PRKN: variants seen among roughly 807,000 people sequenced by gnomAD.
PRKN encodes E3 ubiquitin-protein ligase parkin.
In PRKN, 56 loss-of-function variants were observed where a neutral mutation model predicts 59.5. That is an observed-to-expected ratio of 0.94 (90% confidence interval 0.76 to 1.18). PRKN has a LOEUF of 1.18. Ranked by LOEUF, PRKN falls within the 50% of genes most tolerant of loss-of-function variation. The probability of loss-of-function intolerance (pLI) is 0.00; values close to 1 mark genes in which losing one functional copy is unlikely to be tolerated. For missense variants in PRKN, 657 were observed against 596.4 expected (o/e 1.10, Z -1.06); for synonymous variants, 250 against 222.1 (o/e 1.13, Z -1.12).
At chr6:162,650,525 G>A (rs941775484) in intron 1 of PRKN, among the ~76,000 whole-genome samples, 1 of 148,066 alleles carries the variant, frequency 6.8e-6, no homozygotes, top group East Asian at 2.0e-4. Flanking sequence ...GTGACCCCGG[G>A]AGGCGGAGCT....
intron 3 of PRKN, among the ~76,000 whole-genome samples, chr6:162,246,520 T>C (rs1011738237): frequency 6.6e-6 from 1 of 152,220 alleles, no homozygotes; most frequent in Non-Finnish European, 1.5e-5. Flanking sequence ...TCAAGTGTTC[T>C]AGATTTTTAG....
intron 6 of PRKN, among the ~76,000 whole-genome samples, chr6:161,939,418 C>CAAAA (rs34604240): frequency 0.011 from 443 of 39,512 alleles, 41 homozygotes; most frequent in African/African-American, 0.02. Flanking sequence ...GACTCTGTCT[C>CAAAA]AAAAAAAAAA....
At chr6:161,893,377 C>G (rs887743338) in intron 6 of PRKN, among the ~76,000 whole-genome samples, 2 of 152,122 alleles carry the variant, frequency 1.3e-5, no homozygotes, top group Admixed American at 6.5e-5. Flanking sequence ...TCTGTTCACA[C>G]GCCATGAAGT....
At chr6:162,714,699 G>A (rs1389857624) in intron 1 of PRKN, among the ~76,000 whole-genome samples, 2 of 152,158 alleles carry the variant, frequency 1.3e-5, no homozygotes, top group East Asian at 1.9e-4. Flanking sequence ...TGTTTCTACT[G>A]AGAGCATTTC....
chr6:162,627,086 A>C (rs1023140155), intron 1 of PRKN, among the ~76,000 whole-genome samples: 2 of 152,180 alleles, frequency 1.3e-5, no homozygotes, highest in Non-Finnish European at 2.9e-5. Context: ...GGAGACTGAG[A>C]TGCAACCACA....
Position 161,447,643 on chromosome 6 carries a change from A to T in PRKN, c.1084-60766T>A, listed in dbSNP as rs1171930935. ...CGAGTAGCTGGGACTACAGGCATGC[A>T]CCACCATGCCTGGCTAATTTTTTGT... On this transcript the variant is annotated intron_variant, in intron 9 of 11. Coordinates refer to ENST00000366898, the MANE Select transcript of PRKN (RefSeq NM_004562.3). The surrounding 1 kb of genome is among the most constrained non-coding windows in gnomAD (Gnocchi z 4.1). Among the ~76,000 whole-genome samples, 1 of 151,976 alleles carries T rather than the reference A, an allele frequency of 6.6e-6. No homozygotes were observed. Among genetic ancestry groups the T allele is most frequent in the African/African-American group, 2.4e-5 (1 of 41,388 alleles).
intron 7 of PRKN, among the ~76,000 whole-genome samples, chr6:161,737,695 T>C (rs1788021763): frequency 6.6e-6 from 1 of 152,118 alleles, no homozygotes; most frequent in Admixed American, 6.5e-5. Flanking sequence ...CCTTGGACTG[T>C]AAAGCAAAAC....
chr6:161,893,162 G>A (rs1050176224), intron 6 of PRKN, among the ~76,000 whole-genome samples: 4 of 152,154 alleles, frequency 2.6e-5, no homozygotes, highest in African/African-American at 9.7e-5. Context: ...TGTTTTAAAG[G>A]TGCTTAAAAA....
At chr6:161,511,062 A>AAACT (rs1341647009) in intron 9 of PRKN, among the ~76,000 whole-genome samples, 3 of 152,354 alleles carry the variant, frequency 2.0e-5, no homozygotes, top group East Asian at 3.9e-4. Flanking sequence ...TAATGGACTC[A>AAACT]AACTATAACA....
chr6:161,644,511 G>A (rs1466778549), intron 7 of PRKN, among the ~76,000 whole-genome samples: 3 of 152,220 alleles, frequency 2.0e-5, no homozygotes, highest in African/African-American at 7.2e-5. Context: ...ATGTCTTCCG[G>A]CAGCTACATC....
At chr6:162,140,695 C>T (rs1376022078) in intron 4 of PRKN, among the ~76,000 whole-genome samples, 1 of 145,488 alleles carries the variant, frequency 6.9e-6, no homozygotes, top group Non-Finnish European at 1.5e-5. Context: ...AAGGAGCGCC[C>T]TCACCAGTTC....
Position 161,552,788 on chromosome 6 carries a change from T to TTG in PRKN, c.934-3786_934-3785insCA, listed in dbSNP as rs56348459. ...AAAAGACACCATGGTTTTGTTGTTGTTTTTGTTTTTTGTTTTTTTTTTTTA... is the reference window on the plus strand; with the variant it reads ...AAAAGACACCATGGTTTTGTTGTTGTTGTTTTGTTTTTTGTTTTTTTTTTTTA... On this transcript the variant is annotated intron_variant, in intron 8 of 11. Coordinates refer to ENST00000366898, the MANE Select transcript of PRKN (RefSeq NM_004562.3). The surrounding 1 kb of genome is among the most constrained non-coding windows in gnomAD (Gnocchi z 4.9). Among the ~76,000 whole-genome samples, 29,065 of 115,132 alleles carry TTG rather than the reference T, an allele frequency of 0.25. 3,832 individuals are homozygous for TTG. The highest frequency in any genetic ancestry group is 0.53 in the East Asian group (2,012 of 3,798). The allele number at this position is 115,132 out of a possible 152,430, so 75.5% of individuals were successfully genotyped here.
At chr6:162,006,942 C>CA in intron 5 of PRKN, among the ~76,000 whole-genome samples, 1 of 101,564 alleles carries the variant, frequency 9.8e-6, no homozygotes, top group African/African-American at 3.7e-5. Flanking sequence ...AGAAGAGCGC[C>CA]AGCACATTGT....
chr6:162,285,106 T>C (rs773539935), intron 2 of PRKN, among the ~76,000 whole-genome samples: 20 of 152,088 alleles, frequency 1.3e-4, no homozygotes, highest in Non-Finnish European at 2.5e-4. Flanking sequence ...TACTGACACC[T>C]TGACTTTGGA....
At chr6:161,995,371 G>T (rs1435036255) in intron 5 of PRKN, among the ~76,000 whole-genome samples, 3 of 151,930 alleles carry the variant, frequency 2.0e-5, no homozygotes, top group Non-Finnish European at 4.4e-5. Flanking sequence ...AGATTTTTAT[G>T]GCCATGAGCT....
At chr6:161,866,576 AAAAAGAAAAG>A (rs748767455) in intron 6 of PRKN, among the ~76,000 whole-genome samples, 3 of 152,196 alleles carry the variant, frequency 2.0e-5, no homozygotes, top group Admixed American at 6.5e-5. Context: ...CTCTGTTTAA[AAAAAGAAAAG>A]AAAAGAAAAG....
At chr6:161,618,169 C>T (rs1357307953) in intron 7 of PRKN, among the ~76,000 whole-genome samples, 1 of 152,164 alleles carries the variant, frequency 6.6e-6, no homozygotes, top group African/African-American at 2.4e-5. Flanking sequence ...TTTTTCCTAT[C>T]GTACATGAAG....
intron 1 of PRKN, among the ~76,000 whole-genome samples, chr6:162,478,624 A>T (rs1792141368): frequency 6.6e-6 from 1 of 152,152 alleles, no homozygotes. Flanking sequence ...AACAACGAGG[A>T]CACATTTTAA....
chr6:161,870,886 G>C (rs757388385), intron 6 of PRKN, among the ~76,000 whole-genome samples: 13 of 152,014 alleles, frequency 8.6e-5, no homozygotes, highest in Admixed American at 3.3e-4. Flanking sequence ...AGTTAGGCTG[G>C]GAATCATGGA....
Sources: gnomAD v4.1 joint callset for allele counts (sites outside exome capture counted in the v4.1 genomes callset) on GRCh38, gnomAD v4.1.1 for gene constraint, Gnocchi (gnomAD v3.1) non-coding constraint, MANE v1.5 for transcripts, NCBI Gene and HGNC (gene_info 2026-07-23, HGNC 2026-07-21) for gene names.